JAKMIP3: variants seen among roughly 807,000 people sequenced by gnomAD.
JAKMIP3 encodes Janus kinase and microtubule interacting protein 3, also known as janus kinase and microtubule-interacting protein 3.
Under a neutral mutation model 118.5 loss-of-function variants are expected in JAKMIP3, and 58 were observed. That is an observed-to-expected ratio of 0.49 (90% confidence interval 0.40 to 0.61). JAKMIP3 has a LOEUF of 0.61. Ranked by LOEUF, JAKMIP3 falls within the 20% of genes least tolerant of loss-of-function variation. The pLI, the probability that JAKMIP3 is intolerant of heterozygous loss-of-function variation, is 0.00. For synonymous variants in JAKMIP3, 486 were observed against 451.2 expected (o/e 1.08, Z -0.98); for missense variants, 950 against 1,109.0 (o/e 0.86, Z 2.04).
upstream of JAKMIP3, among the ~76,000 whole-genome samples, chr10:132,064,104 G>A (rs143467018): frequency 6.6e-6 from 1 of 152,280 alleles, no homozygotes; most frequent in East Asian, 1.9e-4. The surrounding 1 kb of genome is among the most constrained non-coding windows in gnomAD (Gnocchi z 4.4). Flanking sequence ...GTATTTGGAC[G>A]TATGTGCGTT....
chr10:132,077,032 C>T (rs1480994864), intron 1 of JAKMIP3, among the ~76,000 whole-genome samples: 3 of 152,176 alleles, frequency 2.0e-5, no homozygotes, highest in African/African-American at 7.2e-5. Flanking sequence ...GTGGTGGCCC[C>T]AGGTCTGTGG....
intron 2 of JAKMIP3, among the ~76,000 whole-genome samples, chr10:132,111,877 C>T (rs927296533): frequency 6.6e-6 from 1 of 152,074 alleles, no homozygotes; most frequent in Non-Finnish European, 1.5e-5. Context: ...GGCAGCTGCT[C>T]AGAGGTCCGT....
At chr10:132,105,953 G>T (rs10160066) in intron 2 of JAKMIP3, among the ~76,000 whole-genome samples, 1 of 151,902 alleles carries the variant, frequency 6.6e-6, no homozygotes, top group Admixed American at 6.5e-5. Context: ...CTGACTTATT[G>T]ACCCTCCTGT....
At chr10:132,138,517 G>C (rs1310765384) in intron 9 of JAKMIP3, among the ~76,000 whole-genome samples, 1 of 152,244 alleles carries the variant, frequency 6.6e-6, no homozygotes, top group Non-Finnish European at 1.5e-5. Context: ...CGTGTGCTTA[G>C]TAGGAATCAG....
rs2038022987 is a variant in JAKMIP3 at position 132,049,061 on chromosome 10, G to T, written c.-138+12323G>T. Among the ~76,000 whole-genome samples, 1 of 151,950 alleles carries T rather than the reference G, an allele frequency of 6.6e-6. No individual in the cohort carries two copies. The highest frequency in any genetic ancestry group is 2.1e-4 in the South Asian group (1 of 4,798). On this transcript the variant is annotated intron_variant, in intron 1 of 23. Transcript: ENST00000657785. This position sits in a 1 kb window ranked among gnomAD's most constrained non-coding sequence, Gnocchi z 4.3. Reference sequence around the variant, plus strand: ...TGCATGTCCTGAAAGCCTGCTGCTGGTCCCGGCCGACTCCATCAAGTTAAT... The same window carrying T: ...TGCATGTCCTGAAAGCCTGCTGCTGTTCCCGGCCGACTCCATCAAGTTAAT...
chr10:132,109,999 A>G (rs2046601762), intron 2 of JAKMIP3, among the ~76,000 whole-genome samples: 1 of 152,220 alleles, frequency 6.6e-6, no homozygotes, highest in South Asian at 2.1e-4. Flanking sequence ...CCAGGACAGG[A>G]TTCTGTAACT....
Position 132,117,235 on chromosome 10 carries a change from T to C in JAKMIP3, c.294T>C (p.His98=), listed in dbSNP as rs1482598521. The C allele has an allele frequency of 1.9e-6, 3 of 1,613,856 alleles. No individual in the cohort carries two copies. In the Admixed American group the frequency reaches 5.0e-5, roughly 27 times the overall value. Residue 98 remains histidine (H), a synonymous_variant, in exon 3 of 24, where the codon CAT becomes CAC. Transcript: ENST00000684848. This position sits in a 1 kb window ranked among gnomAD's most constrained non-coding sequence, Gnocchi z 8.6. ...QAVRETLLRQ[H]EAELLRVIKI... The stretch of plus-strand genomic sequence containing the variant: ...TGCGTGAGACGCTGCTGCGGCAGCA[T>C]GAGGCTGAGCTGCTCAGGGTCATCA...
chr10:132,039,144 A>T (rs1017946760), intron 1 of JAKMIP3, among the ~76,000 whole-genome samples: 8 of 152,208 alleles, frequency 5.3e-5, no homozygotes, highest in Non-Finnish European at 8.8e-5. Flanking sequence ...TCTCATTTTT[A>T]AAAATATTTA....
chr10:132,124,680 T>C (rs914096701), intron 3 of JAKMIP3, among the ~76,000 whole-genome samples: 6 of 152,240 alleles, frequency 3.9e-5, no homozygotes, highest in Non-Finnish European at 7.3e-5. Context: ...ATTTGAGTCA[T>C]GTCCCACACT....
Position 132,164,726 on chromosome 10 carries a change from G to A in JAKMIP3, c.2481G>A (p.Leu827=), listed in dbSNP as rs1340603345. Reference sequence around the variant, plus strand: ...CTCAGAAGAGACAAATAAAGGAACTGGAGGAAAAGGTAAAACAAATGCAGT... The same window carrying A: ...CTCAGAAGAGACAAATAAAGGAACTAGAGGAAAAGGTAAAACAAATGCAGT... ...IEAQKRQIKE[L]EEKFLFLFLF... The change falls in exon 21 of 24, where the codon CTG becomes CTA. Residue 827 remains leucine, a synonymous_variant. Transcript: ENST00000684848. 6.2e-7 allele frequency: 1 copy of A among 1,602,102 alleles called. No individual in the cohort carries two copies. Among genetic ancestry groups the A allele is most frequent in the Admixed American group, 1.7e-5 (1 of 59,958 alleles).
At chr10:132,180,710 C>CGT (rs1200016178) in intron 23 of JAKMIP3, among the ~76,000 whole-genome samples, 398 of 9,454 alleles carry the variant, frequency 0.042, 51 homozygotes, top group Non-Finnish European at 0.045. Context: ...TGTGTGTGCG[C>CGT]GTGTGTGTGC....
At chr10:132,100,634 G>C (rs906877750) in intron 1 of JAKMIP3, among the ~76,000 whole-genome samples, 1 of 152,152 alleles carries the variant, frequency 6.6e-6, no homozygotes, top group African/African-American at 2.4e-5. Flanking sequence ...TATGAGCTCC[G>C]TCACCTGCCA....
rs757412278 is a variant in JAKMIP3 at position 132,154,001 on chromosome 10, C to T, written c.2220+11C>T. 4.0e-5 allele frequency: 64 copies of T among 1,612,062 alleles called. No homozygotes were observed. In the South Asian group the frequency reaches 5.1e-4, roughly 13 times the overall value. ...GACCAGGCCAACAAGGTGAGAGGCA[C>T]GAGACTGCTGGAACCCCGGGGAGGG... On this transcript the variant is annotated intron_variant, in intron 19 of 23. Coordinates refer to ENST00000684848, the MANE Select transcript of JAKMIP3 (RefSeq NM_001323087.2).
At chr10:132,146,125 C>T (rs1458338177) in intron 13 of JAKMIP3, among the ~76,000 whole-genome samples, 1 of 139,950 alleles carries the variant, frequency 7.1e-6, no homozygotes, top group Non-Finnish European at 1.6e-5. Context: ...TGAAGTGCTG[C>T]CCCGCCCCCA....
intron 2 of JAKMIP3, among the ~76,000 whole-genome samples, 173 bp from the exon 3 acceptor site, chr10:132,116,904 A>C (rs1658468021): frequency 7.1e-6 from 1 of 140,052 alleles, no homozygotes; most frequent in African/African-American, 2.7e-5. Context: ...GCAACGTGGA[A>C]GCTCCCCCAA....
intron 19 of JAKMIP3, among the ~76,000 whole-genome samples, chr10:132,159,333 T>A (rs2057555010): frequency 3.4e-5 from 4 of 116,750 alleles, no homozygotes; most frequent in Admixed American, 1.0e-4. Context: ...CGCCTCTCCC[T>A]GTGTGATGCT....
rs771628316 is a variant in JAKMIP3, at chr10:132,117,606, AGGGTGCAGGGGC to A, written c.633+36_633+47del. On this transcript the variant is annotated intron_variant, in intron 3 of 23. Transcript: ENST00000684848. This position sits in a 1 kb window ranked among gnomAD's most constrained non-coding sequence, Gnocchi z 8.6. ...GGGCAGGCAGGGGCGGGCGTGGGCG[AGGGTGCAGGGGC>A]GGGCGTGGGCGAGGGTGCAGGGGCG... 3 of 423,878 alleles carry A rather than the reference AGGGTGCAGGGGC, an allele frequency of 7.1e-6. No homozygotes were observed. The highest frequency in any genetic ancestry group is 3.2e-6 in the Non-Finnish European group (1 of 313,490). 26.3% of individuals were successfully genotyped at this position (423,878 alleles called of 1,614,324 possible).
At chr10:132,100,678 C>G (rs1055723142) in intron 1 of JAKMIP3, among the ~76,000 whole-genome samples, 2 of 152,196 alleles carry the variant, frequency 1.3e-5, no homozygotes, top group African/African-American at 4.8e-5. Context: ...AAAGGAGATG[C>G]CTCCATTTAC....
intron 23 of JAKMIP3, among the ~76,000 whole-genome samples, chr10:132,177,337 C>T (rs1431473429): frequency 6.6e-6 from 1 of 152,276 alleles, no homozygotes; most frequent in Non-Finnish European, 1.5e-5. Flanking sequence ...ACCAGGAACC[C>T]ATGGAGAACA....
Sources: gnomAD v4.1 joint callset for allele counts (sites outside exome capture counted in the v4.1 genomes callset) on GRCh38, gnomAD v4.1.1 for gene constraint, Gnocchi (gnomAD v3.1) non-coding constraint, MANE v1.5 for transcripts, NCBI Gene and HGNC (gene_info 2026-07-23, HGNC 2026-07-21) for gene names.